The following PIGN variants were observed in gnomAD, a reference collection of about 807,000 sequenced individuals.
PIGN encodes GPI ethanolamine phosphate transferase 1.
In PIGN, 117 loss-of-function variants were observed where a neutral mutation model predicts 125.4. The ratio of observed to expected loss-of-function variants is 0.93; its 90% CI spans 0.80 to 1.09. The LOEUF (loss-of-function observed/expected upper bound fraction) is 1.09. Ranked by LOEUF, PIGN falls within the 50% of genes least tolerant of loss-of-function variation. The pLI is 0.00. For synonymous variants in PIGN, 392 were observed against 377.8 expected (o/e 1.04, Z -0.44); for missense variants, 1,075 against 1,094.9 (o/e 0.98, Z 0.26).
intron 1 of PIGN, among the ~76,000 whole-genome samples, chr18:62,164,313 CAT>C (rs914540346): frequency 3.3e-5 from 5 of 152,176 alleles, no homozygotes; most frequent in African/African-American, 1.2e-4. Flanking sequence ...TAATATATAA[CAT>C]AATGTATTAG....
chr18:62,048,098 G>C (rs1275739037), intron 30 of PIGN, among the ~76,000 whole-genome samples: 1 of 152,066 alleles, frequency 6.6e-6, no homozygotes, highest in East Asian at 1.9e-4. Context: ...GCAGAACTGA[G>C]GGGGCACAGG....
chr18:62,155,990 T>C (rs997800023), intron 6 of PIGN, among the ~76,000 whole-genome samples: 1 of 152,230 alleles, frequency 6.6e-6, no homozygotes, highest in Admixed American at 6.5e-5. Context: ...CACATAATAA[T>C]CTTCAATAGT....
intron 28 of PIGN, among the ~76,000 whole-genome samples, chr18:62,078,832 T>G (rs189401721): frequency 2.0e-4 from 30 of 152,320 alleles, no homozygotes; most frequent in African/African-American, 7.2e-4. Context: ...TAAATATTAC[T>G]TATCATCCCC....
intron 23 of PIGN, among the ~76,000 whole-genome samples, chr18:62,093,363 T>G (rs1295674770): frequency 3.3e-5 from 5 of 152,086 alleles, no homozygotes; most frequent in Non-Finnish European, 4.4e-5. Context: ...ATAGTTCATA[T>G]AAAGTCTGTA....
chr18:62,135,911 T>C (rs910465210), intron 14 of PIGN: 7 of 152,194 alleles, frequency 4.6e-5, no homozygotes, highest in Admixed American at 2.6e-4. Context: ...ACAGCCGGTG[T>C]ATTTTCTTCA....
At chr18:62,023,758 C>G (rs1022659010) in intron 23 of PIGN, among the ~76,000 whole-genome samples, 1 of 152,226 alleles carries the variant, frequency 6.6e-6, no homozygotes, top group African/African-American at 2.4e-5. Flanking sequence ...CAACTGCACA[C>G]TTTGCTGTCT....
chr18:62,082,027 T>C (rs527969207), intron 28 of PIGN, among the ~76,000 whole-genome samples: 1 of 152,262 alleles, frequency 6.6e-6, no homozygotes, highest in South Asian at 2.1e-4. Context: ...AAGCTTCATA[T>C]TTATATCAAG....
intron 30 of PIGN, among the ~76,000 whole-genome samples, chr18:62,047,574 G>A (rs1195807524): frequency 6.6e-6 from 1 of 152,134 alleles, no homozygotes; most frequent in African/African-American, 2.4e-5. Flanking sequence ...GTGCCGTAAC[G>A]CTGGTCCCTG....
At position 62,044,801 on chromosome 18, in the gene PIGN, C is replaced by G. The variant is rs974262853; in HGVS notation, c.*1055G>C. On this transcript the variant is annotated 3_prime_UTR_variant, in exon 31 of 31. Coordinates refer to ENST00000640252, the MANE Select transcript of PIGN (RefSeq NM_176787.5). ...ATCAGCCAAAGCTACTAGCACACCA[C>G]GGGCAAAAGGCCAACTCTGCAGGGA... 6.6e-6 allele frequency: 1 copy of G among 152,124 alleles called. No homozygotes were observed. Among genetic ancestry groups the G allele is most frequent in the Admixed American group, 6.5e-5 (1 of 15,272 alleles). The allele number at this position is 152,124 out of a possible 1,614,324, so 9.4% of individuals were successfully genotyped here. A position where few individuals can be genotyped will look rare whatever the true frequency, so the allele number is the denominator to read the frequency against.
chr18:62,165,095 TCA>T (rs1224013417), intron 1 of PIGN, among the ~76,000 whole-genome samples: 2 of 152,208 alleles, frequency 1.3e-5, no homozygotes, highest in African/African-American at 4.8e-5. Context: ...GGTGCTATTC[TCA>T]CAGCACTGAG....
chr18:62,120,651 T>C (rs1242701781), intron 14 of PIGN, among the ~76,000 whole-genome samples: 1 of 152,060 alleles, frequency 6.6e-6, no homozygotes, highest in Non-Finnish European at 1.5e-5. Context: ...AAACTAATAA[T>C]GTGCCCAAAA....
intron 10 of PIGN, among the ~76,000 whole-genome samples, 187 bp downstream of exon 10, chr18:62,145,722 C>A (rs1320171012): frequency 6.6e-6 from 1 of 152,074 alleles, no homozygotes; most frequent in Non-Finnish European, 1.5e-5. Flanking sequence ...GGGAAGGGTT[C>A]AACAAATGGC....
chr18:62,020,267 A>C (rs1172088836), intron 23 of PIGN, among the ~76,000 whole-genome samples: 1 of 152,218 alleles, frequency 6.6e-6, no homozygotes, highest in Non-Finnish European at 1.5e-5. Context: ...ACTGGGAACT[A>C]CCAAGATGAT....
At chr18:62,178,653 C>T (rs537913866) in intron 1 of PIGN, among the ~76,000 whole-genome samples, 24 of 151,494 alleles carry the variant, frequency 1.6e-4, no homozygotes, top group African/African-American at 4.8e-4. Context: ...GTACTTGGAG[C>T]CTGCACACAA....
intron 23 of PIGN, among the ~76,000 whole-genome samples, chr18:62,027,699 A>G (rs1034829247): frequency 6.6e-6 from 1 of 152,168 alleles, no homozygotes; most frequent in Admixed American, 6.5e-5. Context: ...CTAGTTTGAC[A>G]TTTAGCTTAG....
chr18:62,131,564 GTGTT>G (rs1202895130), intron 14 of PIGN, among the ~76,000 whole-genome samples: 2 of 151,992 alleles, frequency 1.3e-5, no homozygotes, highest in African/African-American at 4.8e-5. Flanking sequence ...TTAGCTTCAG[GTGTT>G]TGTTTTTTAG....
chr18:62,164,609 G>A (rs912640058), intron 1 of PIGN, among the ~76,000 whole-genome samples: 10 of 152,046 alleles, frequency 6.6e-5, no homozygotes, highest in South Asian at 2.1e-4. Flanking sequence ...TGATTCAATC[G>A]CCTCCCACCA....
chr18:62,038,482 G>A (rs2030291634), downstream of PIGN, among the ~76,000 whole-genome samples: 1 of 152,074 alleles, frequency 6.6e-6, no homozygotes, highest in African/African-American at 2.4e-5. Context: ...GGTTGGATGT[G>A]CACCCCTAAA....
chr18:62,078,528 G>A lies in PIGN; in HGVS notation c.2577-3707C>T, dbSNP rs113111336. On this transcript the variant is annotated intron_variant, in intron 28 of 30. Transcript: ENST00000640252. ...CAGAGGCCTTCAGCATCTTCACCACGTTCCTTTGAATGTGTCCCTGGTTCC... is the reference window on the plus strand; with the variant it reads ...CAGAGGCCTTCAGCATCTTCACCACATTCCTTTGAATGTGTCCCTGGTTCC... 9.6e-3 allele frequency among the ~76,000 whole-genome samples: 1,465 copies of A among 152,282 alleles called. 20 individuals are homozygous for A. Among genetic ancestry groups the A allele is most frequent in the East Asian group, 0.049 (254 of 5,178 alleles).
Sources: allele counts gnomAD v4.1 joint callset (sites outside exome capture counted in the v4.1 genomes callset), GRCh38; gene constraint gnomAD v4.1.1; transcripts MANE v1.5; gene names NCBI Gene and HGNC (gene_info 2026-07-23, HGNC 2026-07-21).